The following PDE4B variants were observed in gnomAD, a reference collection of about 807,000 sequenced individuals.
The protein encoded by PDE4B is 3',5'-cyclic-AMP phosphodiesterase 4B.
A neutral mutation model predicts 82.2 loss-of-function variants in PDE4B; 20 were observed. The observed-to-expected ratio is 0.24, with a 90% confidence interval of 0.17 to 0.35. The LOEUF (loss-of-function observed/expected upper bound fraction) is 0.35. Ranked by LOEUF, PDE4B falls within the 10% of genes least tolerant of loss-of-function variation. PDE4B has a pLI of 1.00. For missense variants in PDE4B, 655 were observed against 907.2 expected (o/e 0.72, Z 3.57); for synonymous variants, 320 against 318.9 (o/e 1.00, Z -0.04).
At chr1:65,908,388 C>T (rs918108845) in intron 1 of PDE4B, among the ~76,000 whole-genome samples, 1 of 152,122 alleles carries the variant, frequency 6.6e-6, no homozygotes, top group Non-Finnish European at 1.5e-5. Flanking sequence ...GGCTGAAAGA[C>T]ATTGGTAAAT....
At chr1:66,371,207 G>C (rs1646401160) in intron 16 of PDE4B, among the ~76,000 whole-genome samples, 1 of 148,362 alleles carries the variant, frequency 6.7e-6, no homozygotes. Context: ...TTAAATGACT[G>C]GCCAATTACC....
chr1:66,103,324 A>T (rs1258909023), intron 3 of PDE4B, among the ~76,000 whole-genome samples: 1 of 152,050 alleles, frequency 6.6e-6, no homozygotes, highest in Non-Finnish European at 1.5e-5. Flanking sequence ...TGCTGAATGT[A>T]TTTCTCCAAA....
At chr1:66,329,305 CT>C (rs1193190078) in intron 7 of PDE4B, among the ~76,000 whole-genome samples, 19 of 152,174 alleles carry the variant, frequency 1.2e-4, no homozygotes, top group African/African-American at 4.3e-4. Flanking sequence ...TGGGAAGCCC[CT>C]GTGTTATCTT....
intron 1 of PDE4B, among the ~76,000 whole-genome samples, chr1:65,907,974 G>A (rs545518952): frequency 4.1e-4 from 63 of 152,232 alleles, no homozygotes; most frequent in African/African-American, 1.5e-3. Context: ...GGCAGAGGCA[G>A]CCAGATGGGT....
chr1:66,150,288 A>G (rs2455035), intron 3 of PDE4B, among the ~76,000 whole-genome samples: 81,779 of 152,042 alleles, frequency 0.54, 24,445 homozygotes, highest in Non-Finnish European at 0.68. Flanking sequence ...AAAAGGGCCA[A>G]TGGAATTGTG....
At position 66,350,992 on chromosome 1, in the gene PDE4B, T is replaced by A. The variant is rs986422565; in HGVS notation, c.748-4535T>A. 2.6e-5 allele frequency among the ~76,000 whole-genome samples: 4 copies of A among 152,312 alleles called. No homozygotes were observed. In the East Asian group the frequency reaches 7.7e-4, roughly 29 times the overall value. ...GAACTTATTCCAAAAATCAGACAAT[T>A]TTATAGAAAAGGTATATTCTAGGCC... On this transcript the variant is annotated intron_variant, in intron 8 of 16. Transcript: ENST00000341517.
intron 1 of PDE4B, among the ~76,000 whole-genome samples, chr1:65,909,414 C>A (rs1020928595): frequency 6.6e-6 from 1 of 152,062 alleles, no homozygotes; most frequent in Non-Finnish European, 1.5e-5. Context: ...ATAACTCTAA[C>A]CTGTGAAAGG....
At chr1:66,278,453 C>T (rs1269299119) in intron 7 of PDE4B, among the ~76,000 whole-genome samples, 1 of 152,200 alleles carries the variant, frequency 6.6e-6, no homozygotes, top group Non-Finnish European at 1.5e-5. Flanking sequence ...TTTTCATTCT[C>T]TTGGGCTATG....
intron 7 of PDE4B, among the ~76,000 whole-genome samples, chr1:66,287,522 T>C (rs954052508): frequency 1.3e-5 from 2 of 152,112 alleles, no homozygotes; most frequent in Non-Finnish European, 2.9e-5. Flanking sequence ...ACACCTGCTT[T>C]AAAGGAGCTG....
chr1:66,054,673 T>C (rs1036353756), intron 3 of PDE4B, among the ~76,000 whole-genome samples: 1 of 152,208 alleles, frequency 6.6e-6, no homozygotes, highest in African/African-American at 2.4e-5. Context: ...TATTTTATTC[T>C]TCCCTTTCCC....
intron 3 of PDE4B, among the ~76,000 whole-genome samples, chr1:66,058,559 G>A (rs1655421582): frequency 6.6e-6 from 1 of 152,216 alleles, no homozygotes; most frequent in African/African-American, 2.4e-5. Flanking sequence ...ATCCTCTGAA[G>A]TCTAAGCAGA....
intron 3 of PDE4B, among the ~76,000 whole-genome samples, chr1:65,941,124 T>C (rs4503327): frequency 0.34 from 51,182 of 151,824 alleles, 8,953 homozygotes; most frequent in East Asian, 0.49. Context: ...TCACTCCCAA[T>C]GCTACCTCTT....
chr1:66,134,710 GA>G (rs565089579), intron 3 of PDE4B, among the ~76,000 whole-genome samples: 232 of 152,322 alleles, frequency 1.5e-3, no homozygotes, highest in African/African-American at 5.3e-3. Context: ...AGAGTCAAAT[GA>G]AACAATGTGA....
intron 1 of PDE4B, among the ~76,000 whole-genome samples, chr1:65,884,063 A>G (rs1434043096): frequency 6.6e-6 from 1 of 152,076 alleles, no homozygotes; most frequent in African/African-American, 2.4e-5. Flanking sequence ...GTTTGCCAGT[A>G]TTTTATTGAG....
At chr1:65,850,872 T>G (rs1571014841) in intron 1 of PDE4B, among the ~76,000 whole-genome samples, 1 of 152,354 alleles carries the variant, frequency 6.6e-6, no homozygotes, top group African/African-American at 2.4e-5. Context: ...GAAGAAATCT[T>G]TACCTAGGTA....
At chr1:66,043,827 G>A (rs1049679383) in intron 3 of PDE4B, among the ~76,000 whole-genome samples, 3 of 151,664 alleles carry the variant, frequency 2.0e-5, no homozygotes, top group South Asian at 2.1e-4. Context: ...ATCATGGATG[G>A]TGAAAAAATT....
chr1:66,007,395 G>A (rs1348714740), intron 3 of PDE4B, among the ~76,000 whole-genome samples: 2 of 152,074 alleles, frequency 1.3e-5, no homozygotes, highest in African/African-American at 4.8e-5. Flanking sequence ...AGTGAGCCGA[G>A]ATCATGCCAC....
chr1:66,035,672 A>G (rs1337475146), intron 3 of PDE4B, among the ~76,000 whole-genome samples: 1 of 152,208 alleles, frequency 6.6e-6, no homozygotes, highest in Non-Finnish European at 1.5e-5. Flanking sequence ...CTGTTTTTGT[A>G]AAGGCTGAAA....
At chr1:66,361,478 G>T in intron 9 of PDE4B, 137 bp from the exon 10 acceptor site, 1 of 621,940 alleles carries the variant, frequency 1.6e-6, no homozygotes, top group Non-Finnish European at 2.8e-6. Flanking sequence ...CTGCCCTAGA[G>T]ATACAGTGAA....
Sources: gnomAD v4.1 joint callset for allele counts (sites outside exome capture counted in the v4.1 genomes callset) on GRCh38, gnomAD v4.1.1 for gene constraint, MANE v1.5 for transcripts, NCBI Gene and HGNC (gene_info 2026-07-23, HGNC 2026-07-21) for gene names.